The following MAGI1 variants were observed in gnomAD, a reference collection of about 807,000 sequenced individuals.
The protein encoded by MAGI1 is membrane associated guanylate kinase, WW and PDZ domain containing 1.
MAGI1 carries 58 observed loss-of-function variants against 139.9 expected under a neutral mutation model. The observed-to-expected ratio is 0.41, with a 90% CI of 0.34 to 0.52. MAGI1 has a LOEUF of 0.52. Among genes scored for constraint, MAGI1 ranks in the 20% least tolerant of loss-of-function variants. The pLI is 0.12. For missense variants in MAGI1, 1,874 were observed against 1,901.6 expected, an observed-to-expected ratio of 0.99 and a Z score of 0.27; for synonymous variants, 812 against 737.9, an observed-to-expected ratio of 1.10 and a Z score of -1.63.
In MAGI1 at chr3:65,556,640, T is replaced by C. The variant is rs138339959; in HGVS notation, c.431-63009A>G. ...TTCACTACAATTTCTCCTGCCAATA[T>C]TCTCATCCACCATGATCTTTTGCCT... On this transcript the variant is annotated intron_variant, in intron 2 of 22. Coordinates refer to ENST00000402939, the MANE Select transcript of MAGI1 (RefSeq NM_001033057.2). 4.4e-3 allele frequency among the ~76,000 whole-genome samples: 666 copies of C among 152,332 alleles called. 4 individuals are homozygous for C. Among genetic ancestry groups the C allele is most frequent in the African/African-American group, 0.015 (616 of 41,574 alleles).
chr3:66,025,455 G>A (rs768712591), intron 1 of MAGI1, among the ~76,000 whole-genome samples: 3 of 152,146 alleles, frequency 2.0e-5, no homozygotes, highest in Non-Finnish European at 2.9e-5. Context: ...TGGGAAGATC[G>A]CTTGAGCCCA....
chr3:65,425,411 C>G (rs1946965036), intron 12 of MAGI1, among the ~76,000 whole-genome samples: 1 of 152,156 alleles, frequency 6.6e-6, no homozygotes, highest in Non-Finnish European at 1.5e-5. Context: ...CTTGCATCCT[C>G]TGTCTCCACA....
At chr3:65,914,089 A>C (rs1000490506) in intron 1 of MAGI1, 3 of 152,196 alleles carry the variant, frequency 2.0e-5, no homozygotes, top group African/African-American at 7.2e-5. Context: ...TTTCTCCATT[A>C]GGTTTAGCTT....
chr3:65,662,871 CT>C (rs536938358), intron 1 of MAGI1, among the ~76,000 whole-genome samples: 2 of 152,282 alleles, frequency 1.3e-5, no homozygotes, highest in South Asian at 2.1e-4. Flanking sequence ...CTCCCTGCCC[CT>C]GGTAATCACT....
intron 7 of MAGI1, among the ~76,000 whole-genome samples, chr3:65,443,531 T>G (rs1948482930): frequency 6.6e-6 from 1 of 152,192 alleles, no homozygotes; most frequent in South Asian, 2.1e-4. Flanking sequence ...TTCTGAAAAC[T>G]CAACCATGCT....
chr3:65,481,650 A>T (rs1367129541), intron 3 of MAGI1, among the ~76,000 whole-genome samples: 1 of 152,224 alleles, frequency 6.6e-6, no homozygotes, highest in African/African-American at 2.4e-5. Flanking sequence ...TATATGCATA[A>T]TTTCCTAACC....
intron 1 of MAGI1, among the ~76,000 whole-genome samples, chr3:65,975,362 A>G (rs1354328499): frequency 2.0e-5 from 3 of 152,238 alleles, no homozygotes; most frequent in Admixed American, 2.0e-4. Flanking sequence ...TAGTCTTCAT[A>G]CCAGCATATT....
At chr3:65,621,360 G>A (rs1394715473) in intron 2 of MAGI1, among the ~76,000 whole-genome samples, 1 of 152,212 alleles carries the variant, frequency 6.6e-6, no homozygotes, top group East Asian at 1.9e-4. Context: ...GCATTCCTAT[G>A]TTCTGTGTCT....
At chr3:65,831,366 A>ACTAAAACAAGTACAGG (rs1457721080) in intron 1 of MAGI1, among the ~76,000 whole-genome samples, 1 of 152,238 alleles carries the variant, frequency 6.6e-6, no homozygotes, top group Non-Finnish European at 1.5e-5. Flanking sequence ...TGCATCAAAA[A>ACTAAAACAAGTACAGG]CTAAAACAAG....
intron 1 of MAGI1, among the ~76,000 whole-genome samples, chr3:65,795,001 G>A (rs187771464): frequency 1.3e-5 from 2 of 152,276 alleles, no homozygotes; most frequent in Non-Finnish European, 2.9e-5. Flanking sequence ...ATGCTAATGA[G>A]ATACCACCAC....
intron 1 of MAGI1, among the ~76,000 whole-genome samples, chr3:65,980,564 CAA>C (rs11410142): frequency 5.5e-5 from 7 of 127,654 alleles, no homozygotes; most frequent in East Asian, 2.3e-4. Flanking sequence ...GACTCCATCT[CAA>C]AAAAAAAAAA....
chr3:65,356,802 G>C lies in MAGI1; in HGVS notation c.3965C>G (p.Ser1322Cys). The C allele has an allele frequency of 6.2e-7, 1 of 1,611,282 alleles. No homozygotes were observed. ...AAAANGPKRR[S>C]PEKRREGTRS... ...GGTGCCCTCCCTCCGCTTCTCTGGG[G>C]ACCGCCTCTTGGGGCCGTTGGCGGC... Residue 1322 changes from serine to cysteine, a missense_variant, in exon 23 of 23, where the codon TCC becomes TGC. Transcript: ENST00000402939.
intron 5 of MAGI1, among the ~76,000 whole-genome samples, chr3:65,455,684 C>A (rs1195828586): frequency 6.6e-6 from 1 of 152,168 alleles, no homozygotes; most frequent in Non-Finnish European, 1.5e-5. Flanking sequence ...TTGCAGTGAG[C>A]AGAGACTGTG....
chr3:65,450,559 GT>G (rs1217596512), intron 6 of MAGI1, among the ~76,000 whole-genome samples: 1 of 152,148 alleles, frequency 6.6e-6, no homozygotes, highest in African/African-American at 2.4e-5. Context: ...AAGATCATCA[GT>G]TTTAATGGTT....
At chr3:65,400,799 A>C (rs1379846051) in intron 13 of MAGI1, among the ~76,000 whole-genome samples, 1 of 116,312 alleles carries the variant, frequency 8.6e-6, no homozygotes, top group Admixed American at 1.2e-4. Context: ...TAAGAATCCT[A>C]TACCTGCAGC....
At chr3:65,577,038 C>T (rs185020461) in intron 2 of MAGI1, among the ~76,000 whole-genome samples, 5 of 152,280 alleles carry the variant, frequency 3.3e-5, no homozygotes, top group Admixed American at 2.6e-4. Flanking sequence ...CATACCATGG[C>T]ACATTAAGTT....
At chr3:65,788,961 T>C (rs1016977785) in intron 1 of MAGI1, among the ~76,000 whole-genome samples, 2 of 152,132 alleles carry the variant, frequency 1.3e-5, no homozygotes, top group Non-Finnish European at 2.9e-5. Context: ...GAGAATCCGT[T>C]GCGGCCAGGA....
At chr3:65,672,422 T>A (rs1470110775) in intron 1 of MAGI1, among the ~76,000 whole-genome samples, 4 of 152,212 alleles carry the variant, frequency 2.6e-5, no homozygotes, top group African/African-American at 9.6e-5. Flanking sequence ...AAGCCATTTT[T>A]AAAAAATTTT....
At chr3:66,035,658 C>A (rs985555949) in intron 1 of MAGI1, among the ~76,000 whole-genome samples, 4 of 152,106 alleles carry the variant, frequency 2.6e-5, no homozygotes, top group Admixed American at 2.6e-4. Context: ...TATCATATTT[C>A]TATCCCATTA....
Sources: gnomAD v4.1 joint callset for allele counts (sites outside exome capture counted in the v4.1 genomes callset) on GRCh38, gnomAD v4.1.1 for gene constraint, MANE v1.5 for transcripts, NCBI Gene and HGNC (gene_info 2026-07-23, HGNC 2026-07-21) for gene names.